Variants in TEX26 observed in about 807,000 individuals in gnomAD.
TEX26 encodes testis expressed 26, also known as testis-expressed protein 26.
TEX26 carries 34 observed loss-of-function variants against 35.3 expected under a neutral mutation model. The observed-to-expected ratio is 0.96, with a 90% CI of 0.73 to 1.28. The LOEUF (loss-of-function observed/expected upper bound fraction) is 1.28. TEX26 is among the 50% of genes most tolerant of loss of function. TEX26 has a pLI of 0.00. For missense variants in TEX26, 371 were observed against 330.1 expected, an observed-to-expected ratio of 1.12 and a Z score of -0.96; for synonymous variants, 136 against 111.8, an observed-to-expected ratio of 1.22 and a Z score of -1.36.
Position 30,965,407 on chromosome 13 carries a change from A to G in TEX26, c.470-815A>G, listed in dbSNP as rs544667473. On this transcript the variant is annotated intron_variant, in intron 4 of 6. Transcript: ENST00000380473. ...ACTAATTTGGAAGAGAGTTGAGTTC[A>G]GTGTCAATAGTAATTTGCACTGTTT... Among the ~76,000 whole-genome samples the G allele has an allele frequency of 1.5e-4, 23 of 152,348 alleles. 1 individual carries two copies. The South Asian group carries it at 4.1e-3, about 27-fold the overall frequency.
chr13:30,950,332 G>T (rs1337358749), intron 2 of TEX26, among the ~76,000 whole-genome samples: 33 of 152,016 alleles, frequency 2.2e-4, no homozygotes, highest in Admixed American at 2.2e-3. Context: ...CTTGAACCCA[G>T]GAAGTGGAGG....
chr13:30,958,963 G>T (rs1006134793), intron 4 of TEX26, among the ~76,000 whole-genome samples: 3 of 151,950 alleles, frequency 2.0e-5, no homozygotes, highest in African/African-American at 7.3e-5. Context: ...AGTTATTACC[G>T]CCAATCAAAG....
intron 2 of TEX26, among the ~76,000 whole-genome samples, chr13:30,943,409 A>G (rs1953586611): frequency 6.6e-6 from 1 of 152,096 alleles, no homozygotes; most frequent in East Asian, 1.9e-4. Context: ...TCATCAGCAA[A>G]CAGCAATATT....
At chr13:30,952,602 C>G in intron 2 of TEX26, 58 bp from the exon 3 acceptor site, 1 of 1,410,584 alleles carries the variant, frequency 7.1e-7, no homozygotes, top group Non-Finnish European at 9.6e-7. Context: ...GACATGTGTA[C>G]TTTTGTGAGA....
At chr13:30,948,141 G>A (rs995629303) in intron 2 of TEX26, among the ~76,000 whole-genome samples, 3 of 152,070 alleles carry the variant, frequency 2.0e-5, no homozygotes, top group Admixed American at 6.5e-5. Context: ...GTCTATCATT[G>A]TGGGACATTT....
chr13:30,959,566 C>T (rs970780595), intron 4 of TEX26, among the ~76,000 whole-genome samples: 1 of 151,836 alleles, frequency 6.6e-6, no homozygotes, highest in Admixed American at 6.5e-5. Flanking sequence ...GCTGCTGAGC[C>T]AAGTTGTATT....
At chr13:30,933,059 G>T in intron 1 of TEX26, 1 of 340,830 alleles carries the variant, frequency 2.9e-6, no homozygotes, top group East Asian at 4.6e-5. Flanking sequence ...CAGGAAAAAA[G>T]GAAGAACTGG....
At chr13:30,967,374 G>A (rs77359870) in intron 5 of TEX26, among the ~76,000 whole-genome samples, 2,034 of 152,264 alleles carry the variant, frequency 0.013, 38 homozygotes, top group African/African-American at 0.046. Context: ...GTGCCCCTGT[G>A]TATCCACTTC....
chr13:30,932,925 G>A lies in TEX26; in HGVS notation c.61+149G>A, dbSNP rs1953127040. 3.8e-6 allele frequency: 3 copies of A among 793,276 alleles called. No individual in the cohort carries two copies. In the Admixed American group the frequency reaches 8.6e-5, roughly 23 times the overall value. 49.1% of individuals were successfully genotyped at this position (793,276 alleles called of 1,614,324 possible). On this transcript the variant is annotated intron_variant, in intron 1 of 6. Coordinates refer to ENST00000380473, the MANE Select transcript of TEX26 (RefSeq NM_152325.3). ...ACTGAGGAAAAGACGGGGAGTCAGG[G>A]AGAATGACAGGGCCTTCATGACGCT...
intron 6 of TEX26, among the ~76,000 whole-genome samples, chr13:30,973,831 G>C (rs1954789146): frequency 6.6e-6 from 1 of 152,016 alleles, no homozygotes. Flanking sequence ...AAGTTTTACA[G>C]CTCCACTCTG....
chr13:30,939,817 A>G, intron 2 of TEX26, 39 bp downstream of exon 2: 1 of 1,553,816 alleles, frequency 6.4e-7, no homozygotes, highest in Non-Finnish European at 8.9e-7. Context: ...TACATGTTTT[A>G]ATTTGTTGAC....
chr13:30,939,891 T>C (rs1047571252), intron 2 of TEX26, 113 bp downstream of exon 2: 6 of 954,228 alleles, frequency 6.3e-6, no homozygotes, highest in East Asian at 2.7e-5. Flanking sequence ...GTAAAAATGC[T>C]CTTGGATACG....
At chr13:30,974,131 A>AAAAATATATATATATATATATAT in intron 6 of TEX26, among the ~76,000 whole-genome samples, 15 of 84,392 alleles carry the variant, frequency 1.8e-4, no homozygotes, top group East Asian at 3.1e-4. Context: ...AAAAAAAAAA[A>AAAAATATATATATATATATATAT]ATATATATAT....
At chr13:30,962,796 G>C (rs1593595349) in intron 4 of TEX26, among the ~76,000 whole-genome samples, 1 of 150,858 alleles carries the variant, frequency 6.6e-6, no homozygotes, top group Non-Finnish European at 1.5e-5. Context: ...ATGTGTCAAT[G>C]GTCCTAATGG....
chr13:30,940,233 C>G (rs1350816105), intron 2 of TEX26, among the ~76,000 whole-genome samples: 1 of 151,762 alleles, frequency 6.6e-6, no homozygotes, highest in African/African-American at 2.4e-5. Flanking sequence ...TTCTTACCTC[C>G]ACTCCTCCAG....
At chr13:30,947,989 G>A (rs1953776711) in intron 2 of TEX26, among the ~76,000 whole-genome samples, 2 of 152,044 alleles carry the variant, frequency 1.3e-5, no homozygotes, top group South Asian at 4.2e-4. Context: ...AACATGCGGT[G>A]TTTGGTTTTT....
intron 5 of TEX26, 49 bp from the exon 6 acceptor site, chr13:30,968,836 T>G: frequency 6.3e-7 from 1 of 1,575,248 alleles, no homozygotes; most frequent in Non-Finnish European, 8.7e-7. Flanking sequence ...AAGACTGGTG[T>G]GCTTGGGTGC....
chr13:30,955,801 T>G (rs1012377454), intron 3 of TEX26, among the ~76,000 whole-genome samples: 19 of 152,144 alleles, frequency 1.2e-4, no homozygotes, highest in African/African-American at 4.6e-4. Flanking sequence ...CAGGCGGGGC[T>G]GGGCCTTGCT....
In TEX26 at chr13:30,937,464, ATTGT is replaced by A. The variant is rs576211163; in HGVS notation, c.62-2228_62-2225del. On this transcript the variant is annotated intron_variant, in intron 1 of 6. Coordinates refer to ENST00000380473, the MANE Select transcript of TEX26 (RefSeq NM_152325.3). ...GCTTTTGTGCAGAATATCCTTCCTG[ATTGT>A]TCCGAAAGTCCAATGCCGAAGTTCA... Among the ~76,000 whole-genome samples, 13 of 152,234 alleles carry A rather than the reference ATTGT, an allele frequency of 8.5e-5. No individual in the cohort carries two copies. In the East Asian group the frequency reaches 1.9e-3, roughly 23 times the overall value.
Sources: gnomAD v4.1 joint callset for allele counts (sites outside exome capture counted in the v4.1 genomes callset) on GRCh38, gnomAD v4.1.1 for gene constraint, MANE v1.5 for transcripts, NCBI Gene and HGNC (gene_info 2026-07-23, HGNC 2026-07-21) for gene names.